Variants in PARN observed in about 807,000 individuals in gnomAD.
PARN encodes the protein poly(A)-specific ribonuclease, also known as poly(A)-specific ribonuclease PARN.
A neutral mutation model predicts 102.8 loss-of-function variants in PARN; 71 were observed. That is an observed-to-expected ratio of 0.69 (90% CI 0.57 to 0.84). The LOEUF (loss-of-function observed/expected upper bound fraction) is 0.84, where lower values mean the gene tolerates loss of function less well. PARN is among the 40% of genes least tolerant of loss of function. The pLI, the probability that PARN is intolerant of heterozygous loss-of-function variation, is 0.00. For synonymous variants in PARN, 261 were observed against 252.9 expected (o/e 1.03, Z -0.30); for missense variants, 782 against 760.9 (o/e 1.03, Z -0.33).
intron 18 of PARN, among the ~76,000 whole-genome samples, chr16:14,561,157 CAAAAAAA>C (rs749716960): frequency 1.7e-5 from 1 of 57,186 alleles, no homozygotes; most frequent in Non-Finnish European, 3.6e-5. Context: ...AACTCCGTCT[CAAAAAAA>C]AAAAAAAAAA....
At chr16:14,542,094 T>C (rs886205849) in intron 21 of PARN, among the ~76,000 whole-genome samples, 2 of 152,022 alleles carry the variant, frequency 1.3e-5, no homozygotes, top group Admixed American at 6.6e-5. Flanking sequence ...AACCTTGACC[T>C]CCTGAGCTCA....
At chr16:14,517,001 G>A (rs1206814998) in intron 21 of PARN, among the ~76,000 whole-genome samples, 1 of 152,180 alleles carries the variant, frequency 6.6e-6, no homozygotes, top group Non-Finnish European at 1.5e-5. Context: ...AGGGAAGGCA[G>A]GGAAAATAAG....
At chr16:14,602,234 T>C (rs1012970790) in intron 11 of PARN, 1 of 152,212 alleles carries the variant, frequency 6.6e-6, no homozygotes, top group Non-Finnish European at 1.5e-5. Flanking sequence ...CTGCCCCTTT[T>C]TCTCTCCTCC....
At chr16:14,599,309 C>T (rs1391669654) in intron 12 of PARN, among the ~76,000 whole-genome samples, 1 of 152,184 alleles carries the variant, frequency 6.6e-6, no homozygotes, top group African/African-American at 2.4e-5. Context: ...TCCCGAAGTG[C>T]TGGGATTACA....
chr16:14,455,614 A>T (rs1961644061), intron 22 of PARN, among the ~76,000 whole-genome samples: 1 of 152,254 alleles, frequency 6.6e-6, no homozygotes, highest in East Asian at 1.9e-4. Context: ...GCTGCTGCCA[A>T]AACTTACATC....
chr16:14,532,000 C>A (rs1449915194), intron 21 of PARN, among the ~76,000 whole-genome samples: 4 of 151,942 alleles, frequency 2.6e-5, no homozygotes, highest in African/African-American at 9.7e-5. Flanking sequence ...GAGTTCGAGG[C>A]TGCAGTGAGC....
intron 12 of PARN, among the ~76,000 whole-genome samples, chr16:14,596,133 A>G (rs1159089591): frequency 4.6e-5 from 7 of 152,198 alleles, no homozygotes; most frequent in Admixed American, 4.6e-4. Context: ...ACCTAGGGCC[A>G]GATCTTGGTT....
At chr16:14,571,339 C>A (rs1162547046) in intron 18 of PARN, among the ~76,000 whole-genome samples, 4 of 141,296 alleles carry the variant, frequency 2.8e-5, no homozygotes, top group African/African-American at 5.2e-5. Flanking sequence ...CCTGGGCTAA[C>A]AGAGCAAGAT....
At position 14,629,639 on chromosome 16, in the gene PARN, T is replaced by C. The variant is rs367979521; in HGVS notation, c.55A>G (p.Ile19Val). The C allele has an allele frequency of 6.8e-6, 11 of 1,613,410 alleles. No homozygotes were observed. Among genetic ancestry groups the C allele is most frequent in the African/African-American group, 1.3e-5 (1 of 74,946 alleles). The part of the protein sequence containing the change: ...KSNLHKVYQA[I>V]EEADFFAIDG... ...ATGGCGAAGAAGTCGGCCTCCTCTA[T>C]GGCCTGGTACACTTTGTGAAGATTA... is the stretch of plus-strand genomic sequence containing the variant. The change falls in exon 2 of 24, where the codon ATA (isoleucine) becomes GTA (valine). Residue 19 changes from isoleucine to valine, a missense_variant. Coordinates refer to ENST00000437198, the MANE Select transcript of PARN (RefSeq NM_002582.4).
In PARN at chr16:14,437,831, A is replaced by G. The variant is rs373562859; in HGVS notation, c.1865-1059T>C. ...GCAGTGTCTTACAAACTAGGGAATC[A>G]TATCACTGAGTTCACAGTGGTTATC... On this transcript the variant is annotated intron_variant, in intron 23 of 23. Coordinates refer to ENST00000437198, the MANE Select transcript of PARN (RefSeq NM_002582.4). Among the ~76,000 whole-genome samples, 10 of 152,338 alleles carry G rather than the reference A, an allele frequency of 6.6e-5. No individual in the cohort carries two copies. The East Asian group carries it at 7.7e-4, about 12-fold the overall frequency.
At chr16:14,606,165 C>G (rs916379222) in intron 10 of PARN, among the ~76,000 whole-genome samples, 28 of 152,054 alleles carry the variant, frequency 1.8e-4, no homozygotes, top group African/African-American at 6.5e-4. Context: ...TCTGCGAGGC[C>G]GAGGCGGGCA....
intron 7 of PARN, among the ~76,000 whole-genome samples, chr16:14,610,382 A>G (rs1016619481): frequency 3.3e-5 from 5 of 151,962 alleles, no homozygotes; most frequent in Non-Finnish European, 7.4e-5. Context: ...CTGAGGCACA[A>G]GAATTGCTTG....
chr16:14,612,373 G>A (rs1265981712), intron 6 of PARN, among the ~76,000 whole-genome samples: 1 of 151,888 alleles, frequency 6.6e-6, no homozygotes, highest in Non-Finnish European at 1.5e-5. Flanking sequence ...GGAGGCAGAG[G>A]TTACAGTGAG....
At chr16:14,541,139 A>T (rs111767855) in intron 21 of PARN, among the ~76,000 whole-genome samples, 26,531 of 145,222 alleles carry the variant, frequency 0.18, 2,718 homozygotes, top group Middle Eastern at 0.28. Flanking sequence ...TTTTTTTTTT[A>T]AAGCACAGGT....
chr16:14,619,742 G>A (rs574414248), intron 5 of PARN, among the ~76,000 whole-genome samples: 6 of 151,758 alleles, frequency 4.0e-5, no homozygotes, highest in Admixed American at 2.0e-4. Flanking sequence ...GGACTCCAGC[G>A]TGGGTGACAG....
In PARN at chr16:14,582,272, T is replaced by C. The variant is rs199737339; in HGVS notation, c.1101A>G (p.Pro367=). The part of the protein sequence containing the change: ...PPKVESAEGF[P]SYDTASEQLH... The stretch of plus-strand genomic sequence containing the variant: ...GTTGTTCAGAGGCTGTGTCATAACT[T>C]GGAAAACCTTCGGCACTTTCTAAGA... The change falls in exon 17 of 24, where the codon CCA becomes CCG. Residue 367 remains proline, a synonymous_variant. Transcript: ENST00000437198. 3.3e-5 allele frequency: 54 copies of C among 1,613,368 alleles called. No individual in the cohort carries two copies. Among genetic ancestry groups the C allele is most frequent in the Middle Eastern group, 3.3e-4 (2 of 6,084 alleles).
At chr16:14,454,725 T>C (rs746224855) in intron 22 of PARN, among the ~76,000 whole-genome samples, 13 of 152,268 alleles carry the variant, frequency 8.5e-5, no homozygotes, top group Non-Finnish European at 1.6e-4. Context: ...TTCCAAATTC[T>C]CAACAGTCAT....
At chr16:14,579,574 AAATAAT>A (rs1228746532) in intron 18 of PARN, among the ~76,000 whole-genome samples, 1 of 152,098 alleles carries the variant, frequency 6.6e-6, no homozygotes. Flanking sequence ...TGACTCAAAA[AAATAAT>A]AATAATAATA....
intron 5 of PARN, 96 bp from the exon 6 acceptor site, chr16:14,617,746 A>G: frequency 1.3e-6 from 1 of 774,662 alleles, no homozygotes; most frequent in South Asian, 1.4e-5. Flanking sequence ...AACAAAGACA[A>G]TATGGGAAGG....
Sources: gnomAD v4.1 joint callset for allele counts (sites outside exome capture counted in the v4.1 genomes callset) on GRCh38, gnomAD v4.1.1 for gene constraint, MANE v1.5 for transcripts, NCBI Gene and HGNC (gene_info 2026-07-23, HGNC 2026-07-21) for gene names.